Variants in MXRA7 observed in about 807,000 individuals in gnomAD.
MXRA7 encodes the protein matrix-remodeling-associated protein 7.
Under a neutral mutation model 17.4 loss-of-function variants are expected in MXRA7, and 18 were observed. The observed-to-expected ratio is 1.03, with a 90% CI of 0.71 to 1.53. The LOEUF is 1.53. Among genes scored for constraint, MXRA7 ranks in the 40% most tolerant of loss-of-function variants. MXRA7 has a pLI of 0.00. For missense variants in MXRA7, 141 were observed against 209.3 expected, an observed-to-expected ratio of 0.67 and a Z score of 2.01; for synonymous variants, 70 against 101.7, an observed-to-expected ratio of 0.69 and a Z score of 1.87.
intron 3 of MXRA7, chr17:76,683,949 C>A: frequency 1.9e-6 from 3 of 1,592,974 alleles, no homozygotes; most frequent in Non-Finnish European, 1.7e-6. Context: ...ATGCAGCAAA[C>A]CTGGTCATGC....
At position 76,681,696 on chromosome 17, in the gene MXRA7, A is replaced by AT. The variant is rs1424909613; in HGVS notation, c.501-818dup. Among the ~76,000 whole-genome samples, 1 of 152,110 alleles carries AT rather than the reference A, an allele frequency of 6.6e-6. No individual in the cohort carries two copies. Among genetic ancestry groups the AT allele is most frequent in the Non-Finnish European group, 1.5e-5 (1 of 68,012 alleles). ...CCAGCCCAGTCTATAGCCTGGGTTC[A>AT]TTTTCCCTCTGAGACCACAAGGTGG... On this transcript the variant is annotated intron_variant, in intron 3 of 3. Coordinates refer to ENST00000449428, the MANE Select transcript of MXRA7 (RefSeq NM_198530.4). This position sits in a 1 kb window ranked among gnomAD's most constrained non-coding sequence, Gnocchi z 4.7.
At chr17:76,700,871 TAGAG>T (rs1239555822) in intron 1 of MXRA7, among the ~76,000 whole-genome samples, 2 of 150,710 alleles carry the variant, frequency 1.3e-5, no homozygotes, top group Non-Finnish European at 3.0e-5. Context: ...GGCAAGGACA[TAGAG>T]AGGAGAGAGG....
intron 1 of MXRA7, among the ~76,000 whole-genome samples, chr17:76,705,671 AAG>A (rs1176481835): frequency 1.3e-5 from 2 of 152,172 alleles, no homozygotes; most frequent in Admixed American, 1.3e-4. Context: ...TAAGAAGAGG[AAG>A]AGACATCCCT....
intron 3 of MXRA7, among the ~76,000 whole-genome samples, chr17:76,682,201 TG>T (rs2076314727): frequency 6.6e-6 from 1 of 152,168 alleles, no homozygotes; most frequent in South Asian, 2.1e-4. Context: ...CTGAAGCTCC[TG>T]GGGAGTGCTG....
Position 76,710,754 on chromosome 17 carries a change from C to T in MXRA7, c.193G>A (p.Ala65Thr). ...APSRPCAPEP[A>T]ASPAGPEEPG... is the part of the protein sequence containing the mutation. ...TCCTCCGGCCCCGCGGGCGAGGCCG[C>T]CGGCTCGGGGGCGCAGGGGCGGGAC... The change falls in exon 1 of 4, where the codon GCG (alanine) becomes ACG (threonine). Residue 65 changes from alanine to threonine, a missense_variant. This residue lies in a region of MXRA7 where 72 missense variants were observed against 111.9 expected (regional missense o/e 0.64). Coordinates refer to ENST00000449428, the MANE Select transcript of MXRA7 (RefSeq NM_198530.4). The T allele has an allele frequency of 2.8e-6, 3 of 1,084,562 alleles. No individual in the cohort carries two copies. Among genetic ancestry groups the T allele is most frequent in the Non-Finnish European group, 2.3e-6 (2 of 881,376 alleles). The allele number at this position is 1,084,562 out of a possible 1,614,324, so 67.2% of individuals were successfully genotyped here. A position where few individuals can be genotyped will look rare whatever the true frequency, so the allele number is the denominator to read the frequency against.
At chr17:76,683,811 G>A (rs2076346286) in intron 3 of MXRA7, 1 of 1,535,304 alleles carries the variant, frequency 6.5e-7, no homozygotes, top group Admixed American at 1.7e-5. Context: ...GCAGTAGAAG[G>A]GGAGCACCAC....
At chr17:76,701,101 T>C (rs2143665447) in intron 1 of MXRA7, among the ~76,000 whole-genome samples, 1 of 151,836 alleles carries the variant, frequency 6.6e-6, no homozygotes, top group South Asian at 2.1e-4. Flanking sequence ...GGGGGTGTGC[T>C]CTCTGCGCTA....
At chr17:76,684,599 G>A (rs1199540250) in intron 3 of MXRA7, 4 of 378,410 alleles carry the variant, frequency 1.1e-5, no homozygotes, top group South Asian at 2.0e-5. Flanking sequence ...TGCACTGCCC[G>A]GAGCTACAAG....
intron 1 of MXRA7, among the ~76,000 whole-genome samples, chr17:76,696,000 G>A (rs1303313630): frequency 6.6e-6 from 1 of 151,912 alleles, no homozygotes; most frequent in African/African-American, 2.4e-5. Flanking sequence ...GAGGCTGAGG[G>A]AGGAGAATCT....
At chr17:76,688,008 A>G in intron 2 of MXRA7, 105 bp downstream of exon 2, 1 of 570,178 alleles carries the variant, frequency 1.8e-6, no homozygotes, top group East Asian at 3.8e-5. Context: ...GTCCCACCCC[A>G]TCCCTCCCCT....
chr17:76,704,820 T>G (rs1416652108), intron 1 of MXRA7, among the ~76,000 whole-genome samples: 2 of 149,596 alleles, frequency 1.3e-5, no homozygotes, highest in Non-Finnish European at 3.0e-5. Flanking sequence ...GAAACAGTTC[T>G]GCATGAGGTC....
intron 1 of MXRA7, among the ~76,000 whole-genome samples, chr17:76,697,118 G>A (rs1179680648): frequency 6.6e-6 from 1 of 152,112 alleles, no homozygotes; most frequent in Non-Finnish European, 1.5e-5. Context: ...GACTCTATTT[G>A]GAAACAGGGC....
Position 76,710,874 on chromosome 17 carries a change from G to A in MXRA7, c.73C>T (p.Leu25=). ...GCGGCCGCCCCACGCCGCACCAGTA[G>A]CCAGGCGAGCAGAAGGGCCAGCGCG... is the stretch of plus-strand genomic sequence containing the variant. ...ATALALLLAW[L]LVRRGAAASP... is the part of the protein sequence containing the mutation. The change falls in exon 1 of 4, where the codon CTA becomes TTA. Residue 25 remains leucine (L), a synonymous_variant. Coordinates refer to ENST00000449428, the MANE Select transcript of MXRA7 (RefSeq NM_198530.4). 1 of 991,080 alleles carries A rather than the reference G, an allele frequency of 1.0e-6. No homozygotes were observed. Among genetic ancestry groups the A allele is most frequent in the Non-Finnish European group, 1.2e-6 (1 of 835,436 alleles). The allele number at this position is 991,080 out of a possible 1,614,324, so 61.4% of individuals were successfully genotyped here.
At chr17:76,692,378 C>T (rs111532640) in intron 1 of MXRA7, among the ~76,000 whole-genome samples, 3,328 of 151,944 alleles carry the variant, frequency 0.022, 115 homozygotes, top group African/African-American at 0.075. Flanking sequence ...CTCAGCCTCC[C>T]GAGTAGCTGG....
rs2076298368 is a variant in MXRA7 at position 76,681,168 on chromosome 17, T to C, written c.501-289A>G. Reference sequence around the variant, plus strand: ...CTGCAGGGTACTTAAGGAAGGAACTTGGGCATTTGAGTTGCCAAGGGCCTT... The same window carrying C: ...CTGCAGGGTACTTAAGGAAGGAACTCGGGCATTTGAGTTGCCAAGGGCCTT... On this transcript the variant is annotated intron_variant, in intron 3 of 3. Coordinates refer to ENST00000449428, the MANE Select transcript of MXRA7 (RefSeq NM_198530.4). The surrounding 1 kb of genome is among the most constrained non-coding windows in gnomAD (Gnocchi z 4.7). 6.6e-6 allele frequency among the ~76,000 whole-genome samples: 1 copy of C among 152,218 alleles called. No individual in the cohort carries two copies. The highest frequency in any genetic ancestry group is 1.5e-5 in the Non-Finnish European group (1 of 68,036).
At chr17:76,706,152 ACAGAGGCCCACGCTGCCG>A in intron 1 of MXRA7, among the ~76,000 whole-genome samples, 1 of 150,898 alleles carries the variant, frequency 6.6e-6, no homozygotes, top group Admixed American at 6.6e-5. Context: ...CACTGCCGTC[ACAGAGGCCCACGCTGCCG>A]TCACAGAGGC....
At chr17:76,677,685 A>G (rs773478863), downstream of MXRA7, 3 of 1,613,964 alleles carry the variant, frequency 1.9e-6, no homozygotes, top group Non-Finnish European at 2.5e-6. Flanking sequence ...GATGGCAGCC[A>G]GCTGTTCCTT....
At chr17:76,687,977 T>C (rs2076420423) in intron 2 of MXRA7, 136 bp downstream of exon 2, 3 of 884,774 alleles carry the variant, frequency 3.4e-6, no homozygotes, top group East Asian at 2.6e-5. Context: ...ACTCTACCTC[T>C]CATGCCCCAC....
intron 1 of MXRA7, among the ~76,000 whole-genome samples, chr17:76,708,077 G>C (rs576045740): frequency 6.6e-6 from 1 of 152,200 alleles, no homozygotes; most frequent in Admixed American, 6.5e-5. Context: ...CCAGGGTCTC[G>C]GCCTATAGTA....
Sources: gnomAD v4.1 joint callset for allele counts (sites outside exome capture counted in the v4.1 genomes callset) on GRCh38, gnomAD v4.1.1 for gene constraint, gnomAD v4.1.1 regional missense constraint, Gnocchi (gnomAD v3.1) non-coding constraint, MANE v1.5 for transcripts, NCBI Gene and HGNC (gene_info 2026-07-23, HGNC 2026-07-21) for gene names.